MALRD1: variants seen among roughly 807,000 people sequenced by gnomAD.
The protein encoded by MALRD1 is MAM and LDL receptor class A domain containing 1, also known as MAM and LDL-receptor class A domain-containing protein 1.
A neutral mutation model predicts 242.1 loss-of-function variants in MALRD1; 247 were observed. That is an observed-to-expected ratio of 1.02 (90% CI 0.92 to 1.13). MALRD1 has a LOEUF of 1.13. Among genes scored for constraint, MALRD1 ranks in the 50% most tolerant of loss-of-function variants. The pLI is 0.00. For synonymous variants in MALRD1, 995 were observed against 866.6 expected (o/e 1.15, Z -2.60); for missense variants, 2,989 against 2,533.1 (o/e 1.18, Z -3.86).
intron 10 of MALRD1, among the ~76,000 whole-genome samples, chr10:19,144,919 T>A (rs1355463486): frequency 6.6e-6 from 1 of 152,210 alleles, no homozygotes; most frequent in Non-Finnish European, 1.5e-5. Flanking sequence ...TTAAAGATGA[T>A]AGCATGAAGA....
chr10:19,619,260 T>G (rs1311896726), intron 36 of MALRD1, among the ~76,000 whole-genome samples: 5 of 152,054 alleles, frequency 3.3e-5, no homozygotes, highest in Admixed American at 1.3e-4. Context: ...TAGGTGATGT[T>G]TTTTTCTGGG....
chr10:19,377,890 C>A (rs1468566196), intron 26 of MALRD1, among the ~76,000 whole-genome samples: 1 of 151,948 alleles, frequency 6.6e-6, no homozygotes, highest in Admixed American at 6.6e-5. Context: ...ATGCACAAAG[C>A]TTTGCCCAGT....
rs547501942 is a variant in MALRD1, at chr10:19,158,952, A to C, written c.1656+3780A>C. On this transcript the variant is annotated intron_variant, in intron 12 of 39. Coordinates refer to ENST00000454679, the MANE Select transcript of MALRD1 (RefSeq NM_001142308.3). ...TCCTGCAATGGTGCAGTTGTGCTCT[A>C]TTCCCTGGTCATTGTGTTTAATCCA... Among the ~76,000 whole-genome samples the C allele has an allele frequency of 3.3e-5, 5 of 152,340 alleles. No homozygotes were observed. The South Asian group carries it at 8.3e-4, about 25-fold the overall frequency.
intron 36 of MALRD1, among the ~76,000 whole-genome samples, chr10:19,639,696 T>C (rs905837671): frequency 6.6e-6 from 1 of 152,164 alleles, no homozygotes; most frequent in African/African-American, 2.4e-5. Flanking sequence ...AGTTGAAAGT[T>C]AGTATGCTCT....
intron 31 of MALRD1, among the ~76,000 whole-genome samples, chr10:19,502,099 A>G (rs1229878383): frequency 6.6e-6 from 1 of 152,000 alleles, no homozygotes; most frequent in African/African-American, 2.4e-5. Flanking sequence ...TCCAGTATAC[A>G]TGGTGGTAGC....
chr10:19,056,838 C>T (rs1834683894), intron 1 of MALRD1, among the ~76,000 whole-genome samples: 1 of 151,920 alleles, frequency 6.6e-6, no homozygotes, highest in Admixed American at 6.6e-5. Flanking sequence ...ATGGCTTTTA[C>T]CGTATTCTGT....
At chr10:19,426,542 T>C (rs1030383521) in intron 28 of MALRD1, among the ~76,000 whole-genome samples, 124 of 152,200 alleles carry the variant, frequency 8.1e-4, no homozygotes, top group African/African-American at 2.9e-3. Context: ...TGGCTCACGC[T>C]TGTAATCCCA....
intron 38 of MALRD1, among the ~76,000 whole-genome samples, chr10:19,709,951 A>G (rs548969676): frequency 6.6e-6 from 1 of 152,108 alleles, no homozygotes; most frequent in Admixed American, 6.5e-5. Context: ...TCCCTAACAC[A>G]TTGTGGGAAT....
intron 17 of MALRD1, 119 bp downstream of exon 17, chr10:19,205,384 A>C: frequency 2.5e-6 from 3 of 1,203,292 alleles, no homozygotes; most frequent in South Asian, 3.3e-5. Flanking sequence ...AAGCTGATGA[A>C]TGTTATGTGT....
At position 19,203,959 on chromosome 10, in the gene MALRD1, C is replaced by T. The variant is rs889607420; in HGVS notation, c.2104+79C>T. 42 of 1,485,098 alleles carry T rather than the reference C, an allele frequency of 2.8e-5. No homozygotes were observed. The South Asian group carries it at 4.4e-4, about 15-fold the overall frequency. The allele number at this position is 1,485,098 out of a possible 1,614,324, so 92.0% of individuals were successfully genotyped here. A position where few individuals can be genotyped will look rare whatever the true frequency, so the allele number is the denominator to read the frequency against. ...TTCAGAAGAGAAAGGAAAGCTAGTACGGTTCTGTGATAACTACAACAAACA... is the reference window on the plus strand; with the variant it reads ...TTCAGAAGAGAAAGGAAAGCTAGTATGGTTCTGTGATAACTACAACAAACA... On this transcript the variant is annotated intron_variant, in intron 15 of 39. Coordinates refer to ENST00000454679, the MANE Select transcript of MALRD1 (RefSeq NM_001142308.3).
intron 38 of MALRD1, among the ~76,000 whole-genome samples, chr10:19,707,786 T>TAAAAAAA: frequency 1.6e-5 from 1 of 60,834 alleles, no homozygotes; most frequent in Non-Finnish European, 3.8e-5. Flanking sequence ...CCATCTGTAC[T>TAAAAAAA]AAAAAAAAAA....
chr10:19,242,953 T>C (rs890792025), intron 18 of MALRD1, among the ~76,000 whole-genome samples: 2 of 152,062 alleles, frequency 1.3e-5, no homozygotes, highest in African/African-American at 4.8e-5. Context: ...AGGACTTCCT[T>C]CTACCATTTC....
chr10:19,627,662 G>A (rs1326993), intron 36 of MALRD1, among the ~76,000 whole-genome samples: 9,017 of 151,422 alleles, frequency 0.06, 630 homozygotes, highest in African/African-American at 0.17. Flanking sequence ...ACGGGAAGCT[G>A]GAGTAGGAGA....
At chr10:19,260,739 G>A (rs920961701) in intron 19 of MALRD1, among the ~76,000 whole-genome samples, 5 of 152,120 alleles carry the variant, frequency 3.3e-5, no homozygotes, top group Admixed American at 6.6e-5. Flanking sequence ...CAGGATTAAT[G>A]CCTTTATTAT....
intron 33 of MALRD1, among the ~76,000 whole-genome samples, chr10:19,575,834 A>G (rs952199127): frequency 6.6e-6 from 1 of 152,106 alleles, no homozygotes; most frequent in Non-Finnish European, 1.5e-5. Flanking sequence ...AGACCTTATG[A>G]TTGTTCATCA....
At chr10:19,698,245 G>T (rs1259786988) in intron 38 of MALRD1, among the ~76,000 whole-genome samples, 1 of 152,188 alleles carries the variant, frequency 6.6e-6, no homozygotes, top group African/African-American at 2.4e-5. Context: ...AGATATAGCT[G>T]TTTTTATTGT....
At chr10:19,099,003 C>G (rs556198255) in intron 4 of MALRD1, among the ~76,000 whole-genome samples, 24 of 152,268 alleles carry the variant, frequency 1.6e-4, no homozygotes, top group African/African-American at 5.5e-4. Flanking sequence ...AAAAAGCTGG[C>G]CTTTCCCACA....
At chr10:19,444,512 A>G (rs1370842532) in intron 28 of MALRD1, among the ~76,000 whole-genome samples, 1 of 152,148 alleles carries the variant, frequency 6.6e-6, no homozygotes, top group African/African-American at 2.4e-5. Flanking sequence ...GGTGGTGACA[A>G]AATCTCTCCG....
At chr10:19,569,621 T>TTA (rs1057332185) in intron 33 of MALRD1, among the ~76,000 whole-genome samples, 5 of 148,138 alleles carry the variant, frequency 3.4e-5, no homozygotes, top group South Asian at 2.1e-4. Context: ...GCTCTGTCTT[T>TTA]TATATATATA....
Sources: gnomAD v4.1 joint callset for allele counts (sites outside exome capture counted in the v4.1 genomes callset) on GRCh38, gnomAD v4.1.1 for gene constraint, MANE v1.5 for transcripts, NCBI Gene and HGNC (gene_info 2026-07-23, HGNC 2026-07-21) for gene names.